PPFIBP1: variants seen among roughly 807,000 people sequenced by gnomAD.
The protein encoded by PPFIBP1 is liprin-beta-1.
A neutral mutation model predicts 137.8 loss-of-function variants in PPFIBP1; 112 were observed. That is an observed-to-expected ratio of 0.81 (90% CI 0.70 to 0.95). The LOEUF is 0.95. PPFIBP1 is among the 40% of genes least tolerant of loss of function. The pLI is 0.00. For synonymous variants in PPFIBP1, 378 were observed against 417.3 expected, an observed-to-expected ratio of 0.91 and a Z score of 1.15; for missense variants, 1,083 against 1,196.6, an observed-to-expected ratio of 0.91 and a Z score of 1.40.
chr12:27,633,249 T>A (rs2057384723), intron 2 of PPFIBP1, 113 bp from the exon 3 acceptor site: 7 of 703,410 alleles, frequency 1.0e-5, no homozygotes, highest in Non-Finnish European at 1.5e-5. Context: ...ACTACTGAAG[T>A]TCTTCTTCCA....
rs1225843785 is a variant in PPFIBP1, at chr12:27,671,445, C to T, written c.1161C>T (p.Ile387=). 3.2e-6 allele frequency: 5 copies of T among 1,586,404 alleles called. No homozygotes were observed. In the South Asian group the frequency reaches 3.5e-5, roughly 11 times the overall value. The change falls in exon 14 of 30, where the codon ATC becomes ATT. Residue 387 remains isoleucine, a synonymous_variant. Coordinates refer to ENST00000228425, the MANE Select transcript of PPFIBP1 (RefSeq NM_003622.4). ...TSVPEEFHTT[I]LQVSIPSLLP... ...TTACATTACAGTTCCATACTACCAT[C>T]TTGCAAGTTTCCATCCCTTCATTAT...
intron 2 of PPFIBP1, among the ~76,000 whole-genome samples, chr12:27,590,876 A>G (rs1448000625): frequency 6.6e-6 from 1 of 152,168 alleles, no homozygotes; most frequent in Non-Finnish European, 1.5e-5. Flanking sequence ...AGACATGCCA[A>G]GTTTGGGTAG....
At chr12:27,527,404 G>A (rs951558037) in intron 1 of PPFIBP1, among the ~76,000 whole-genome samples, 3 of 151,768 alleles carry the variant, frequency 2.0e-5, no homozygotes, top group Admixed American at 1.3e-4. Context: ...CAACATGCCC[G>A]GTTAATTTTT....
At chr12:27,606,277 G>C (rs1427688444) in intron 2 of PPFIBP1, among the ~76,000 whole-genome samples, 1 of 152,090 alleles carries the variant, frequency 6.6e-6, no homozygotes, top group African/African-American at 2.4e-5. Context: ...AATGTGTTTT[G>C]CAGTAACTGT....
chr12:27,528,242 C>G (rs1327497789), intron 1 of PPFIBP1, among the ~76,000 whole-genome samples: 1 of 152,090 alleles, frequency 6.6e-6, no homozygotes, highest in Admixed American at 6.5e-5. Context: ...AGCCACCACG[C>G]CTGGTTATGC....
chr12:27,584,761 C>T (rs912158922), intron 2 of PPFIBP1, among the ~76,000 whole-genome samples: 13 of 152,144 alleles, frequency 8.5e-5, no homozygotes, highest in East Asian at 1.9e-4. Context: ...GTTGAACAAA[C>T]GATAATTAGC....
chr12:27,570,057 G>A (rs898105726), intron 1 of PPFIBP1, among the ~76,000 whole-genome samples: 6 of 152,044 alleles, frequency 3.9e-5, no homozygotes, highest in East Asian at 3.8e-4. Context: ...CATCGCCACC[G>A]GTGAGAGTTA....
chr12:27,685,302 C>T (rs1593377690), intron 24 of PPFIBP1, among the ~76,000 whole-genome samples: 1 of 151,228 alleles, frequency 6.6e-6, no homozygotes, highest in East Asian at 1.9e-4. Flanking sequence ...CACACACACT[C>T]TGTGTATCTA....
intron 7 of PPFIBP1, among the ~76,000 whole-genome samples, chr12:27,650,417 A>T (rs2058809557): frequency 1.3e-5 from 2 of 152,170 alleles, no homozygotes; most frequent in Admixed American, 1.3e-4. Flanking sequence ...TGACTTTACG[A>T]TATTTGGAGC....
chr12:27,594,978 T>A (rs769240089), intron 2 of PPFIBP1, among the ~76,000 whole-genome samples: 9 of 152,266 alleles, frequency 5.9e-5, no homozygotes, highest in Non-Finnish European at 1.3e-4. Context: ...TAGGTGGTAG[T>A]TATTGTTTTA....
chr12:27,527,836 A>G (rs1184337131), intron 1 of PPFIBP1, among the ~76,000 whole-genome samples: 1 of 152,138 alleles, frequency 6.6e-6, no homozygotes, highest in Non-Finnish European at 1.5e-5. Flanking sequence ...AATCATAACT[A>G]TCATGATTAT....
At chr12:27,580,908 C>CTTT (rs112914040) in intron 2 of PPFIBP1, among the ~76,000 whole-genome samples, 1 of 146,242 alleles carries the variant, frequency 6.8e-6, no homozygotes. Flanking sequence ...ACATTATACT[C>CTTT]TTTTTTTTTT....
chr12:27,545,322 A>G (rs953796190), intron 1 of PPFIBP1, among the ~76,000 whole-genome samples: 2 of 152,196 alleles, frequency 1.3e-5, no homozygotes, highest in Non-Finnish European at 2.9e-5. Context: ...ACCATGGCAC[A>G]TGTATGCCTA....
rs371421286 is a variant in PPFIBP1, at chr12:27,692,929, T to G, written c.*47T>G. 2.1e-4 allele frequency: 337 copies of G among 1,608,498 alleles called. No individual in the cohort carries two copies. The highest frequency in any genetic ancestry group is 2.8e-4 in the Non-Finnish European group (327 of 1,177,578). The stretch of plus-strand genomic sequence containing the variant: ...TAGGAGTGCTTAGTCTTTTTTCTAC[T>G]TGCTTTTCCAAACACTCACAGTATA... On this transcript the variant is annotated 3_prime_UTR_variant, in exon 30 of 30. Transcript: ENST00000228425.
chr12:27,682,363 TA>T, intron 22 of PPFIBP1, 23 bp from the exon 23 acceptor site: 1 of 1,534,706 alleles, frequency 6.5e-7, no homozygotes, highest in Admixed American at 1.7e-5. Flanking sequence ...GATAGAATTA[TA>T]AAGTCAATGT....
intron 9 of PPFIBP1, among the ~76,000 whole-genome samples, chr12:27,658,400 C>T (rs2059345562): frequency 6.6e-6 from 1 of 152,126 alleles, no homozygotes; most frequent in South Asian, 2.1e-4. Context: ...TGTTGTTGAA[C>T]TTGAGTGGTG....
intron 28 of PPFIBP1, 103 bp downstream of exon 28, chr12:27,692,031 A>G: frequency 1.0e-6 from 1 of 999,796 alleles, no homozygotes; most frequent in Non-Finnish European, 1.5e-6. Flanking sequence ...TCTTCAAATA[A>G]CTAAAAATAC....
At chr12:27,567,553 G>A (rs764075755) in intron 1 of PPFIBP1, among the ~76,000 whole-genome samples, 21 of 152,294 alleles carry the variant, frequency 1.4e-4, no homozygotes, top group South Asian at 2.1e-4. Flanking sequence ...GATAATATGG[G>A]AGTGTGGGTG....
At chr12:27,616,601 T>A (rs2055786108) in intron 2 of PPFIBP1, among the ~76,000 whole-genome samples, 1 of 152,174 alleles carries the variant, frequency 6.6e-6, no homozygotes, top group African/African-American at 2.4e-5. Context: ...TATTTCTTAG[T>A]TTAGCAGAAC....
Sources: gnomAD v4.1 joint callset for allele counts (sites outside exome capture counted in the v4.1 genomes callset) on GRCh38, gnomAD v4.1.1 for gene constraint, MANE v1.5 for transcripts, NCBI Gene and HGNC (gene_info 2026-07-23, HGNC 2026-07-21) for gene names.